PDZRN3: variants seen among roughly 807,000 people sequenced by gnomAD.
The protein encoded by PDZRN3 is E3 ubiquitin-protein ligase PDZRN3.
Under a neutral mutation model 85.7 loss-of-function variants are expected in PDZRN3, and 38 were observed. The ratio of observed to expected loss-of-function variants is 0.44; its 90% CI spans 0.34 to 0.58. The LOEUF (loss-of-function observed/expected upper bound fraction) is 0.58. Among genes scored for constraint, PDZRN3 ranks in the 20% least tolerant of loss-of-function variants. PDZRN3 has a pLI of 0.01. For missense variants in PDZRN3, 1,629 were observed against 1,506.4 expected, an observed-to-expected ratio of 1.08 and a Z score of -1.35; for synonymous variants, 759 against 638.0, an observed-to-expected ratio of 1.19 and a Z score of -2.86.
At chr3:73,585,167 T>A (rs555495546) in intron 3 of PDZRN3, among the ~76,000 whole-genome samples, 4 of 152,284 alleles carry the variant, frequency 2.6e-5, no homozygotes, top group African/African-American at 9.6e-5. Flanking sequence ...CTGCCCTTAG[T>A]TTTACCATTT....
intron 3 of PDZRN3, among the ~76,000 whole-genome samples, chr3:73,507,964 G>T (rs1183563734): frequency 6.6e-6 from 1 of 152,044 alleles, no homozygotes; most frequent in Non-Finnish European, 1.5e-5. Flanking sequence ...ATGGTGGCAC[G>T]TGCCTGTAAA....
intron 3 of PDZRN3, among the ~76,000 whole-genome samples, chr3:73,589,342 A>G (rs1202248865): frequency 1.3e-5 from 2 of 152,370 alleles, no homozygotes; most frequent in Middle Eastern, 3.4e-3. Flanking sequence ...AAAAGGCCAC[A>G]AATGGCTCTT....
intron 3 of PDZRN3, among the ~76,000 whole-genome samples, chr3:73,580,603 T>C (rs1236437343): frequency 2.0e-5 from 3 of 152,190 alleles, no homozygotes; most frequent in Non-Finnish European, 2.9e-5. Context: ...GAACTTGACA[T>C]AAAGAGGAGA....
intron 3 of PDZRN3, among the ~76,000 whole-genome samples, chr3:73,502,799 A>G (rs1472738630): frequency 6.6e-6 from 1 of 152,260 alleles, no homozygotes; most frequent in African/African-American, 2.4e-5. Context: ...AGAAAATCCT[A>G]GAGCCTGGTA....
At chr3:73,571,036 A>G (rs1355854886) in intron 3 of PDZRN3, among the ~76,000 whole-genome samples, 2 of 152,194 alleles carry the variant, frequency 1.3e-5, no homozygotes, top group African/African-American at 4.8e-5. Flanking sequence ...CCTACATTAA[A>G]AAGCATGATT....
chr3:73,604,923 A>C (rs961915446), intron 2 of PDZRN3, among the ~76,000 whole-genome samples: 15 of 152,172 alleles, frequency 9.9e-5, no homozygotes, highest in African/African-American at 3.4e-4. Context: ...GAAGGATGCA[A>C]AAAGCACATA....
chr3:73,413,174 T>C (rs1471882248), intron 3 of PDZRN3, among the ~76,000 whole-genome samples: 1 of 152,068 alleles, frequency 6.6e-6, no homozygotes, highest in Non-Finnish European at 1.5e-5. Context: ...ATAAACAGGG[T>C]TGTGAAGATT....
At chr3:73,467,761 A>G (rs2106878337) in intron 3 of PDZRN3, among the ~76,000 whole-genome samples, 1 of 152,272 alleles carries the variant, frequency 6.6e-6, no homozygotes, top group African/African-American at 2.4e-5. Flanking sequence ...TATTTATGAC[A>G]AGCATTACTG....
intron 3 of PDZRN3, among the ~76,000 whole-genome samples, chr3:73,469,302 A>C (rs943040153): frequency 1.3e-5 from 2 of 152,042 alleles, no homozygotes; most frequent in African/African-American, 4.8e-5. Context: ...TGAACTCCTG[A>C]CCTCGTGATC....
chr3:73,569,953 G>GT (rs769051102), intron 3 of PDZRN3, among the ~76,000 whole-genome samples: 2 of 152,186 alleles, frequency 1.3e-5, no homozygotes, highest in Non-Finnish European at 2.9e-5. Context: ...GCAGACAGGA[G>GT]TTGGGTGACA....
chr3:73,408,406 C>T (rs1479458228), intron 3 of PDZRN3: 28 of 584,264 alleles, frequency 4.8e-5, no homozygotes, highest in Non-Finnish European at 7.9e-5. Flanking sequence ...GACACATTTT[C>T]CCAGGAGGAA....
At chr3:73,575,332 A>G (rs1431277292) in intron 3 of PDZRN3, among the ~76,000 whole-genome samples, 1 of 152,146 alleles carries the variant, frequency 6.6e-6, no homozygotes, top group African/African-American at 2.4e-5. Flanking sequence ...TATCCCTCCC[A>G]GAAGGTTCAG....
At chr3:73,439,545 T>G (rs551327016) in intron 3 of PDZRN3, among the ~76,000 whole-genome samples, 1 of 152,252 alleles carries the variant, frequency 6.6e-6, no homozygotes, top group East Asian at 1.9e-4. Flanking sequence ...TGGCCACTGG[T>G]TCTTGAACAA....
intron 3 of PDZRN3, among the ~76,000 whole-genome samples, chr3:73,431,724 A>G (rs1023425349): frequency 6.6e-5 from 10 of 152,224 alleles, no homozygotes; most frequent in Non-Finnish European, 4.4e-5. Flanking sequence ...CTGACCAAGT[A>G]TATTCCAGAT....
chr3:73,492,987 T>TTTTG (rs1426352457), intron 3 of PDZRN3, among the ~76,000 whole-genome samples: 2 of 149,054 alleles, frequency 1.3e-5, no homozygotes, highest in Non-Finnish European at 3.0e-5. Context: ...TTTCAACCTT[T>TTTTG]TTTTTTTTTT....
At chr3:73,467,086 T>C (rs1304688917) in intron 3 of PDZRN3, among the ~76,000 whole-genome samples, 1 of 152,196 alleles carries the variant, frequency 6.6e-6, no homozygotes, top group Admixed American at 6.5e-5. Flanking sequence ...TGATGTTCCA[T>C]CTGACCCCAG....
chr3:73,615,958 T>C (rs916933349), intron 1 of PDZRN3, among the ~76,000 whole-genome samples: 5 of 152,302 alleles, frequency 3.3e-5, no homozygotes, highest in South Asian at 2.1e-4. Context: ...TGGGGTCTAA[T>C]GGGAGGTGTT....
chr3:73,542,041 G>T (rs1053858935), intron 3 of PDZRN3, among the ~76,000 whole-genome samples: 9 of 151,934 alleles, frequency 5.9e-5, no homozygotes, highest in African/African-American at 2.2e-4. Context: ...AAATTATGGG[G>T]AAAAAAAGAG....
intron 3 of PDZRN3, among the ~76,000 whole-genome samples, chr3:73,502,352 A>T (rs7426511): frequency 0.41 from 62,285 of 152,058 alleles, 14,241 homozygotes; most frequent in East Asian, 0.68. Flanking sequence ...TTTTTATTTT[A>T]AAAAGATTCC....
Sources: allele counts gnomAD v4.1 joint callset (sites outside exome capture counted in the v4.1 genomes callset), GRCh38; gene constraint gnomAD v4.1.1; transcripts MANE v1.5; gene names NCBI Gene and HGNC (gene_info 2026-07-23, HGNC 2026-07-21).